The following SCLT1 variants were observed in gnomAD, a reference collection of about 807,000 sequenced individuals.
SCLT1 encodes the protein sodium channel and clathrin linker 1, also known as sodium channel-associated protein 1.
In SCLT1, 78 loss-of-function variants were observed where a neutral mutation model predicts 112.8. The ratio of observed to expected loss-of-function variants is 0.69; its 90% CI spans 0.58 to 0.83. The LOEUF is 0.83. Among genes scored for constraint, SCLT1 ranks in the 40% least tolerant of loss-of-function variants. The pLI is 0.00. For synonymous variants in SCLT1, 257 were observed against 254.7 expected, an observed-to-expected ratio of 1.01 and a Z score of -0.09; for missense variants, 747 against 770.4, an observed-to-expected ratio of 0.97 and a Z score of 0.36.
intron 18 of SCLT1, among the ~76,000 whole-genome samples, chr4:128,930,672 A>G (rs1736683776): frequency 6.6e-6 from 1 of 152,218 alleles, no homozygotes; most frequent in Non-Finnish European, 1.5e-5. Context: ...TATATCCAGG[A>G]GTTAGGGGAA....
chr4:128,939,624 T>C (rs139787777), intron 17 of SCLT1, among the ~76,000 whole-genome samples: 98 of 152,260 alleles, frequency 6.4e-4, no homozygotes, highest in African/African-American at 2.3e-3. Context: ...TTCTTAATTT[T>C]AGATGGTAAT....
chr4:129,029,671 A>C (rs935241811), intron 5 of SCLT1, among the ~76,000 whole-genome samples: 63 of 151,946 alleles, frequency 4.1e-4, no homozygotes, highest in African/African-American at 1.5e-3. Flanking sequence ...AAAACTTAAA[A>C]GTATAATAAT....
intron 11 of SCLT1, among the ~76,000 whole-genome samples, chr4:128,960,926 C>CAAAAAAAAAAA: frequency 1.9e-5 from 1 of 52,494 alleles, no homozygotes; most frequent in Non-Finnish European, 3.2e-5. Flanking sequence ...GACTCCGTCT[C>CAAAAAAAAAAA]AAAAAAAAAA....
At chr4:129,067,384 T>C (rs1023101642) in intron 2 of SCLT1, among the ~76,000 whole-genome samples, 17 of 151,690 alleles carry the variant, frequency 1.1e-4, no homozygotes, top group Non-Finnish European at 1.0e-4. Context: ...TTAGGTAAAA[T>C]GAAAAGGCAA....
At chr4:129,085,845 T>C (rs1752346578) in intron 1 of SCLT1, among the ~76,000 whole-genome samples, 1 of 151,788 alleles carries the variant, frequency 6.6e-6, no homozygotes, top group South Asian at 2.1e-4. Flanking sequence ...ACACACACGG[T>C]GGCCTATTGG....
At chr4:128,984,033 A>G (rs1031150874) in intron 9 of SCLT1, among the ~76,000 whole-genome samples, 3 of 152,196 alleles carry the variant, frequency 2.0e-5, no homozygotes, top group Non-Finnish European at 4.4e-5. Flanking sequence ...GTATAGTTTT[A>G]TGTATACAAC....
chr4:129,022,670 C>G (rs540609278), intron 5 of SCLT1, among the ~76,000 whole-genome samples: 1 of 152,160 alleles, frequency 6.6e-6, no homozygotes, highest in Non-Finnish European at 1.5e-5. Context: ...CTACGACTGA[C>G]TGGGGAACCT....
At chr4:129,079,072 T>C (rs1751708001) in intron 2 of SCLT1, among the ~76,000 whole-genome samples, 2 of 152,144 alleles carry the variant, frequency 1.3e-5, no homozygotes, top group African/African-American at 2.4e-5. Context: ...ACCCCCATGA[T>C]ACAATCACCT....
intron 8 of SCLT1, among the ~76,000 whole-genome samples, chr4:128,992,506 G>T (rs72922096): frequency 0.012 from 1,854 of 151,816 alleles, 28 homozygotes; most frequent in Middle Eastern, 0.037. Context: ...TATCCACCTG[G>T]GCATAAAGCT....
intron 18 of SCLT1, among the ~76,000 whole-genome samples, chr4:128,933,103 A>C (rs1000500934): frequency 2.0e-5 from 3 of 152,250 alleles, no homozygotes; most frequent in South Asian, 2.1e-4. Context: ...AGATGATCCA[A>C]AAATTTGTAT....
At chr4:129,067,061 G>A (rs1379418455) in intron 2 of SCLT1, among the ~76,000 whole-genome samples, 1 of 151,984 alleles carries the variant, frequency 6.6e-6, no homozygotes, top group Non-Finnish European at 1.5e-5. Context: ...ACAATTGGGT[G>A]GTAGGTACAC....
At chr4:129,025,316 A>T (rs372086705) in intron 5 of SCLT1, among the ~76,000 whole-genome samples, 1 of 152,232 alleles carries the variant, frequency 6.6e-6, no homozygotes, top group African/African-American at 2.4e-5. Context: ...CGGGTTACCC[A>T]CAAAGGGAAG....
At chr4:129,035,112 T>C (rs921743583) in intron 5 of SCLT1, among the ~76,000 whole-genome samples, 26 of 152,152 alleles carry the variant, frequency 1.7e-4, no homozygotes, top group African/African-American at 6.0e-4. Flanking sequence ...AATATTAAGT[T>C]GGAAGGTATA....
In SCLT1 at chr4:128,946,156, C is replaced by A. The variant is rs772398502; in HGVS notation, c.1294-4G>T. 2 of 1,592,460 alleles carry A rather than the reference C, an allele frequency of 1.3e-6. No homozygotes were observed. The highest frequency in any genetic ancestry group is 1.7e-6 in the Non-Finnish European group (2 of 1,162,114). The stretch of plus-strand genomic sequence containing the variant: ...TTCCTCTGCCTTCACGGTAAATCTG[C>A]AGAAAAGGCTTATTAGGTATATAAT... On this transcript the variant is annotated splice_polypyrimidine_tract_variant and splice_region_variant and intron_variant, in intron 15 of 20. Coordinates refer to ENST00000281142, the MANE Select transcript of SCLT1 (RefSeq NM_144643.4).
chr4:129,028,370 C>T (rs902965115), intron 5 of SCLT1, among the ~76,000 whole-genome samples: 24 of 152,200 alleles, frequency 1.6e-4, no homozygotes, highest in African/African-American at 5.8e-4. Flanking sequence ...AGAAATAACA[C>T]CGCATATCTA....
chr4:128,875,189 CTGTA>C (rs1197172891), intron 4 of SCLT1: 1 of 152,554 alleles, frequency 6.6e-6, no homozygotes, highest in Non-Finnish European at 1.5e-5. Context: ...GCCTTTTTGT[CTGTA>C]TGTGAATAAA....
At chr4:128,883,639 C>T (rs139457342), downstream of SCLT1, among the ~76,000 whole-genome samples, 12 of 152,240 alleles carry the variant, frequency 7.9e-5, no homozygotes, top group Non-Finnish European at 1.5e-4. Flanking sequence ...AATATCTACA[C>T]GTGAATGTTT....
chr4:128,913,477 A>C (rs1179813005), intron 18 of SCLT1, among the ~76,000 whole-genome samples: 1 of 152,254 alleles, frequency 6.6e-6, no homozygotes, highest in African/African-American at 2.4e-5. Context: ...AATAGTCACC[A>C]AAGAGAGTAG....
intron 8 of SCLT1, among the ~76,000 whole-genome samples, chr4:128,993,096 T>A (rs1159438337): frequency 6.6e-6 from 1 of 152,026 alleles, no homozygotes; most frequent in African/African-American, 2.4e-5. Flanking sequence ...ACTGACTTCA[T>A]ATTTTTAACA....
Sources: gnomAD v4.1 joint callset for allele counts (sites outside exome capture counted in the v4.1 genomes callset) on GRCh38, gnomAD v4.1.1 for gene constraint, MANE v1.5 for transcripts, NCBI Gene and HGNC (gene_info 2026-07-23, HGNC 2026-07-21) for gene names.